Variants in HPSE observed in about 807,000 individuals in gnomAD.
The protein encoded by HPSE is heparanase.
HPSE carries 48 observed loss-of-function variants against 65.1 expected under a neutral mutation model. The observed-to-expected ratio is 0.74, with a 90% confidence interval of 0.58 to 0.94. The LOEUF (loss-of-function observed/expected upper bound fraction) is 0.94, where lower values mean the gene tolerates loss of function less well. Among genes scored for constraint, HPSE ranks in the 40% least tolerant of loss-of-function variants. The pLI is 0.00. For missense variants in HPSE, 644 were observed against 637.5 expected, an observed-to-expected ratio of 1.01 and a Z score of -0.11; for synonymous variants, 243 against 260.0, an observed-to-expected ratio of 0.93 and a Z score of 0.63.
In HPSE at chr4:83,333,844, TAA is replaced by T. The variant is rs60480415; in HGVS notation, c.227+710_227+711del. Among the ~76,000 whole-genome samples the T allele has an allele frequency of 2.9e-3, 416 of 141,136 alleles. 5 individuals carry two copies. Among genetic ancestry groups the T allele is most frequent in the African/African-American group, 6.2e-3 (237 of 38,476 alleles). The allele number at this position is 141,136 out of a possible 152,430, so 92.6% of individuals were successfully genotyped here. A position where few individuals can be genotyped will look rare whatever the true frequency, so the allele number is the denominator to read the frequency against. ...TTCTGTGACGCCCTTTTCATCTGCC[TAA>T]AAAAAAAAAAAGAAAAGAAAAAAGA... On this transcript the variant is annotated intron_variant, in intron 1 of 11. Transcript: ENST00000311412.
chr4:83,323,019 A>C (rs1736985646), intron 1 of HPSE, among the ~76,000 whole-genome samples: 1 of 152,012 alleles, frequency 6.6e-6, no homozygotes, highest in Non-Finnish European at 1.5e-5. Flanking sequence ...CTTAAAAAAA[A>C]CTCATAGCCT....
chr4:83,332,927 C>A (rs540009220), intron 1 of HPSE, among the ~76,000 whole-genome samples: 6 of 151,824 alleles, frequency 4.0e-5, no homozygotes, highest in African/African-American at 1.2e-4. Flanking sequence ...ACCGCCCCCC[C>A]CCACCCCACA....
chr4:83,300,210 A>G (rs1052793888), intron 11 of HPSE, among the ~76,000 whole-genome samples: 3 of 152,212 alleles, frequency 2.0e-5, no homozygotes, highest in African/African-American at 7.2e-5. Context: ...CTACTTAAGA[A>G]GTATACTCTA....
intron 1 of HPSE, among the ~76,000 whole-genome samples, chr4:83,331,585 G>A (rs1473787844): frequency 6.6e-6 from 1 of 152,124 alleles, no homozygotes; most frequent in Non-Finnish European, 1.5e-5. Context: ...CTGGGAAGAC[G>A]ACAAATTGAA....
At chr4:83,313,021 CAAAAAAAAA>C in intron 4 of HPSE, 84 bp downstream of exon 4, 2 of 642,824 alleles carry the variant, frequency 3.1e-6, no homozygotes, top group South Asian at 4.7e-5. Context: ...GACTCTGTCT[CAAAAAAAAA>C]AAAAAAAAAA....
chr4:83,334,852 T>A, upstream of HPSE: 1 of 1,438,620 alleles, frequency 7.0e-7, no homozygotes, highest in Non-Finnish European at 9.1e-7. Context: ...TAGCACTTCC[T>A]CCCGCCGAGC....
At chr4:83,299,498 G>T (rs188839956) in intron 11 of HPSE, among the ~76,000 whole-genome samples, 1 of 151,878 alleles carries the variant, frequency 6.6e-6, no homozygotes, top group East Asian at 1.9e-4. Flanking sequence ...TATGATTATA[G>T]TTATAGTAAA....
intron 3 of HPSE, among the ~76,000 whole-genome samples, chr4:83,316,501 C>T (rs1193233684): frequency 1.3e-5 from 2 of 152,008 alleles, no homozygotes; most frequent in African/African-American, 4.8e-5. Context: ...TGAAGATAAC[C>T]AAGATGACAC....
At chr4:83,310,140 T>C in intron 5 of HPSE, 62 bp from the exon 6 acceptor site, 4 of 1,131,482 alleles carry the variant, frequency 3.5e-6, no homozygotes, top group East Asian at 2.4e-5. Context: ...AATATACGCA[T>C]GAGAGTTTTA....
chr4:83,321,479 T>G (rs939732628), intron 2 of HPSE, among the ~76,000 whole-genome samples: 1 of 152,176 alleles, frequency 6.6e-6, no homozygotes, highest in African/African-American at 2.4e-5. Context: ...TTTTTCTCTT[T>G]AAATTATTAA....
At chr4:83,335,114 G>A (rs984779449), upstream of HPSE, 43 of 262,588 alleles carry the variant, frequency 1.6e-4, no homozygotes, top group East Asian at 3.0e-3. Flanking sequence ...GAGGCCTGGG[G>A]AGGAGCGCCC....
Position 83,313,301 on chromosome 4 carries a change from G to C in HPSE, c.500-14C>G. 6.3e-7 allele frequency: 1 copy of C among 1,590,946 alleles called. No individual in the cohort carries two copies. Among genetic ancestry groups the C allele is most frequent in the South Asian group, 1.1e-5 (1 of 87,592 alleles). On this transcript the variant is annotated splice_polypyrimidine_tract_variant and intron_variant, in intron 3 of 11. Coordinates refer to ENST00000311412, the MANE Select transcript of HPSE (RefSeq NM_001098540.3). ...CTACAGAGCTTCCTAAAAGAAAAAC[G>C]TCACAATTTAATGGTTAGATTGGCA...
At chr4:83,299,178 A>G (rs1022600665) in intron 11 of HPSE, among the ~76,000 whole-genome samples, 4 of 151,978 alleles carry the variant, frequency 2.6e-5, no homozygotes, top group African/African-American at 9.7e-5. Flanking sequence ...AGCCTGGCCC[A>G]CATGGTGAAA....
At chr4:83,299,537 A>C (rs996452757) in intron 11 of HPSE, among the ~76,000 whole-genome samples, 1 of 152,010 alleles carries the variant, frequency 6.6e-6, no homozygotes, top group African/African-American at 2.4e-5. Flanking sequence ...AAAATAAAAG[A>C]GCAGTACCCA....
At chr4:83,311,674 A>AG (rs1736381000) in intron 4 of HPSE, among the ~76,000 whole-genome samples, 1 of 151,622 alleles carries the variant, frequency 6.6e-6, no homozygotes, top group African/African-American at 2.4e-5. Flanking sequence ...CTAGCTAATC[A>AG]GGGGGCTGAG....
At chr4:83,317,007 T>C (rs1424566061) in intron 3 of HPSE, among the ~76,000 whole-genome samples, 2 of 152,150 alleles carry the variant, frequency 1.3e-5, no homozygotes, top group Non-Finnish European at 2.9e-5. Context: ...TTCAAGTAAT[T>C]CTCCTGCCTG....
chr4:83,295,277 A>G lies in HPSE; in HGVS notation c.*67T>C, dbSNP rs2126180200. The G allele has an allele frequency of 8.6e-6, 12 of 1,391,860 alleles. No homozygotes were observed. Among genetic ancestry groups the G allele is most frequent in the South Asian group, 1.4e-5 (1 of 71,584 alleles). 86.2% of individuals were successfully genotyped at this position (1,391,860 alleles called of 1,614,324 possible). ...TTGCAAGGTATCTGCTTCCTTTCCT[A>G]TAACTTGAGTTGCTTTACTCTTAGT... is the stretch of plus-strand genomic sequence containing the variant. On this transcript the variant is annotated 3_prime_UTR_variant, in exon 12 of 12. Coordinates refer to ENST00000311412, the MANE Select transcript of HPSE (RefSeq NM_001098540.3).
At chr4:83,310,983 A>G (rs899427461) in intron 4 of HPSE, 93 bp from the exon 5 acceptor site, 5 of 1,063,868 alleles carry the variant, frequency 4.7e-6, no homozygotes, top group Admixed American at 2.5e-5. Context: ...AACATTTTCC[A>G]AATTACAAAA....
chr4:83,308,773 G>C (rs1307029515), intron 8 of HPSE, 72 bp downstream of exon 8: 8 of 1,133,990 alleles, frequency 7.1e-6, no homozygotes, highest in African/African-American at 1.5e-5. Flanking sequence ...TGGCTGGGGA[G>C]CTATTTCAGC....
Sources: allele counts gnomAD v4.1 joint callset (sites outside exome capture counted in the v4.1 genomes callset), GRCh38; gene constraint gnomAD v4.1.1; transcripts MANE v1.5; gene names NCBI Gene and HGNC (gene_info 2026-07-23, HGNC 2026-07-21).